The following ACP1 variants were observed in gnomAD, a reference collection of about 807,000 sequenced individuals.
ACP1 encodes low molecular weight phosphotyrosine protein phosphatase.
ACP1 carries 23 observed loss-of-function variants against 23.4 expected under a neutral mutation model. The observed-to-expected ratio is 0.98, with a 90% CI of 0.71 to 1.39. ACP1 has a LOEUF of 1.39. Among genes scored for constraint, ACP1 ranks in the 40% most tolerant of loss-of-function variants. The pLI is 0.00. For synonymous variants in ACP1, 72 were observed against 67.2 expected (o/e 1.07, Z -0.35); for missense variants, 180 against 197.7 (o/e 0.91, Z 0.54).
intron 1 of ACP1, among the ~76,000 whole-genome samples, chr2:266,717 A>C (rs957046473): frequency 6.6e-6 from 1 of 152,172 alleles, no homozygotes; most frequent in African/African-American, 2.4e-5. Context: ...GACGATCAGG[A>C]ATTTCTTTTT....
At chr2:277,202 T>C in intron 5 of ACP1, 25 bp from the exon 6 acceptor site, 2 of 1,613,448 alleles carry the variant, frequency 1.2e-6, no homozygotes, top group Non-Finnish European at 1.7e-6. Context: ...GTTTTGCCAT[T>C]TTCTTCTTTT....
chr2:272,075 A>G lies in ACP1; in HGVS notation c.156A>G (p.Ile52Met). Residue 52 changes from isoleucine to methionine, a missense_variant, in exon 3 of 6, where the codon ATA becomes ATG. Ile to Met is a conservative substitution (Grantham distance 10). Coordinates refer to ENST00000272065, the MANE Select transcript of ACP1 (RefSeq NM_004300.4). ...GCGCGGCAACTTCCGGGTATGAGAT[A>G]GGGAACCCCCCTGACTACCGAGGGC... is the stretch of plus-strand genomic sequence containing the variant. The part of the protein sequence containing the change: ...VDSAATSGYE[I>M]GNPPDYRGQS... 1 of 1,613,896 alleles carries G rather than the reference A, an allele frequency of 6.2e-7. No individual in the cohort carries two copies. Among genetic ancestry groups the G allele is most frequent in the African/African-American group, 1.3e-5 (1 of 74,944 alleles).
At chr2:272,518 G>T (rs1670074213) in intron 3 of ACP1, 1 of 1,410,612 alleles carries the variant, frequency 7.1e-7, no homozygotes, top group Non-Finnish European at 9.2e-7. Flanking sequence ...ATAAAAGCTA[G>T]GTAATTTATA....
At position 277,319 on chromosome 2, in the gene ACP1, C is replaced by T; in HGVS notation, c.*15C>T. The T allele has an allele frequency of 1.2e-6, 2 of 1,611,632 alleles. No individual in the cohort carries two copies. Among genetic ancestry groups the T allele is most frequent in the South Asian group, 1.1e-5 (1 of 90,960 alleles). ...AGGCCCACTGAGGCAGGTTCGTGCC[C>T]TGCTGCGGCCAGCCTGACTAGACCC... On this transcript the variant is annotated 3_prime_UTR_variant, in exon 6 of 6. Transcript: ENST00000272065.
intron 1 of ACP1, among the ~76,000 whole-genome samples, chr2:266,011 T>A (rs1201506130): frequency 6.6e-6 from 1 of 152,228 alleles, no homozygotes; most frequent in Non-Finnish European, 1.5e-5. Flanking sequence ...ATGAGTTGCT[T>A]CCTTATCGAC....
intron 1 of ACP1, chr2:265,315 C>T (rs959799524): frequency 5.7e-6 from 2 of 351,288 alleles, no homozygotes; most frequent in Non-Finnish European, 1.0e-5. Flanking sequence ...CCTCTCGTTC[C>T]CCTCCAATGG....
At chr2:276,174 T>C (rs1051587414) in intron 4 of ACP1, among the ~76,000 whole-genome samples, 1 of 152,152 alleles carries the variant, frequency 6.6e-6, no homozygotes, top group African/African-American at 2.4e-5. Context: ...TGGAAGCTCC[T>C]CCTTGCTTCT....
intron 3 of ACP1, among the ~76,000 whole-genome samples, chr2:273,601 A>C (rs1424025057): frequency 6.6e-6 from 1 of 152,222 alleles, no homozygotes; most frequent in Non-Finnish European, 1.5e-5. Context: ...CTGTCTCTGC[A>C]GCACTGGTTT....
chr2:265,344 G>C (rs1669834257), intron 1 of ACP1: 1 of 280,824 alleles, frequency 3.6e-6, no homozygotes, highest in South Asian at 7.3e-5. Flanking sequence ...AGGCCTGGAG[G>C]TTGTCGGACT....
At chr2:275,931 A>G (rs530883405) in intron 4 of ACP1, among the ~76,000 whole-genome samples, 3 of 152,328 alleles carry the variant, frequency 2.0e-5, no homozygotes, top group Non-Finnish European at 4.4e-5. Context: ...ACCAGTTTCA[A>G]TTATTTTTTA....
intron 3 of ACP1, 167 bp downstream of exon 3, chr2:272,317 C>A (rs1467122692): frequency 6.2e-7 from 1 of 1,608,710 alleles, no homozygotes; most frequent in Admixed American, 1.7e-5. Context: ...TAGACAAGCT[C>A]TTGTTCAATT....
rs1389203147 is a variant in ACP1, at chr2:278,118, GTGT to G, written c.*816_*818del. 6.6e-6 allele frequency: 1 copy of G among 152,182 alleles called. No homozygotes were observed. The highest frequency in any genetic ancestry group is 1.5e-5 in the Non-Finnish European group (1 of 68,028). 9.4% of individuals were successfully genotyped at this position (152,182 alleles called of 1,614,324 possible). A position where few individuals can be genotyped will look rare whatever the true frequency, so the allele number is the denominator to read the frequency against. ...AAAATAATTTTAAAAGTTGGGAAAA[GTGT>G]TATTATTTGGCATGCTTAAATATTG... On this transcript the variant is annotated 3_prime_UTR_variant, in exon 6 of 6. Coordinates refer to ENST00000272065, the MANE Select transcript of ACP1 (RefSeq NM_004300.4).
At chr2:266,887 C>A (rs949370691) in intron 1 of ACP1, among the ~76,000 whole-genome samples, 1 of 152,040 alleles carries the variant, frequency 6.6e-6, no homozygotes, top group Non-Finnish European at 1.5e-5. Flanking sequence ...GAATTGCTAG[C>A]TTCACTACTC....
Position 271,849 on chromosome 2 carries a change from C to G in ACP1, c.44-17C>G. The G allele has an allele frequency of 6.2e-7, 1 of 1,609,502 alleles. No individual in the cohort carries two copies. Among genetic ancestry groups the G allele is most frequent in the Non-Finnish European group, 8.5e-7 (1 of 1,175,938 alleles). ...TCCAACCTAACCCTGTTTCCCCACCCCTCCCTTTTTTTAAAGGTAACATTT... is the reference window on the plus strand; with the variant it reads ...TCCAACCTAACCCTGTTTCCCCACCGCTCCCTTTTTTTAAAGGTAACATTT... On this transcript the variant is annotated splice_polypyrimidine_tract_variant and intron_variant, in intron 1 of 5. Coordinates refer to ENST00000272065, the MANE Select transcript of ACP1 (RefSeq NM_004300.4).
intron 4 of ACP1, 108 bp from the exon 5 acceptor site, chr2:276,872 T>G: frequency 1.5e-6 from 1 of 687,994 alleles, no homozygotes. Context: ...TCAAATTAGG[T>G]CATTCTGTCT....
At chr2:275,082 G>A in intron 3 of ACP1, 58 bp from the exon 4 acceptor site, 1 of 802,668 alleles carries the variant, frequency 1.2e-6, no homozygotes, top group Non-Finnish European at 1.9e-6. Context: ...GTATTGCTTT[G>A]CATCCTCTAG....
intron 1 of ACP1, among the ~76,000 whole-genome samples, chr2:267,069 A>G (rs979095796): frequency 1.7e-4 from 26 of 152,216 alleles, no homozygotes; most frequent in African/African-American, 6.3e-4. Flanking sequence ...TGGCATGAGA[A>G]TTTATCCTGC....
intron 4 of ACP1, among the ~76,000 whole-genome samples, chr2:275,934 A>G (rs1670159035): frequency 6.6e-6 from 1 of 152,280 alleles, no homozygotes; most frequent in South Asian, 2.1e-4. Flanking sequence ...AGTTTCAATT[A>G]TTTTTTATTA....
chr2:265,075 A>G, intron 1 of ACP1, 68 bp downstream of exon 1: 14 of 1,591,566 alleles, frequency 8.8e-6, no homozygotes, highest in Non-Finnish European at 1.1e-5. Flanking sequence ...TGTGCGCTGT[A>G]GGTTGTGCCG....
Sources: allele counts gnomAD v4.1 joint callset (sites outside exome capture counted in the v4.1 genomes callset), GRCh38; gene constraint gnomAD v4.1.1; transcripts MANE v1.5; gene names NCBI Gene and HGNC (gene_info 2026-07-23, HGNC 2026-07-21).